ATIC: variants seen among roughly 807,000 people sequenced by gnomAD.
The protein encoded by ATIC is bifunctional purine biosynthesis protein ATIC.
In ATIC, 64 loss-of-function variants were observed where a neutral mutation model predicts 72.5. The observed-to-expected ratio is 0.88, with a 90% CI of 0.72 to 1.09. The LOEUF is 1.09. Among genes scored for constraint, ATIC ranks in the 50% least tolerant of loss-of-function variants. The pLI is 0.00. For synonymous variants in ATIC, 281 were observed against 267.1 expected, an observed-to-expected ratio of 1.05 and a Z score of -0.51; for missense variants, 787 against 732.4, an observed-to-expected ratio of 1.07 and a Z score of -0.86.
Position 215,318,221 on chromosome 2 carries a change from G to T in ATIC, c.211G>T (p.Ala71Ser). 1.2e-6 allele frequency: 2 copies of T among 1,613,750 alleles called. No individual in the cohort carries two copies. The highest frequency in any genetic ancestry group is 1.7e-6 in the Non-Finnish European group (2 of 1,179,658). ...LGGRVKTLHP[A>S]VHAGILARNI... ...GGGACGTGTGAAAACTTTGCATCCTGCAGTCCATGCTGGTAAGTGGTTGGT... is the reference window on the plus strand; with the variant it reads ...GGGACGTGTGAAAACTTTGCATCCTTCAGTCCATGCTGGTAAGTGGTTGGT... The change falls in exon 3 of 16, where the codon GCA becomes TCA. Residue 71 changes from alanine (A) to serine (S), a missense_variant. Transcript: ENST00000236959.
chr2:215,324,294 G>A (rs1201985317), intron 4 of ATIC, among the ~76,000 whole-genome samples: 1 of 152,196 alleles, frequency 6.6e-6, no homozygotes, highest in African/African-American at 2.4e-5. Flanking sequence ...GTCATGTTCA[G>A]TAAGTTCCCT....
At chr2:215,314,848 C>T (rs1026528761) in intron 2 of ATIC, among the ~76,000 whole-genome samples, 4 of 151,902 alleles carry the variant, frequency 2.6e-5, no homozygotes, top group Non-Finnish European at 4.4e-5. Context: ...GTAAACGTCA[C>T]GGCCAATATT....
chr2:215,313,567 A>T (rs997011717), intron 2 of ATIC, among the ~76,000 whole-genome samples: 1 of 152,166 alleles, frequency 6.6e-6, no homozygotes, highest in African/African-American at 2.4e-5. Context: ...GAACGAGATG[A>T]CCACCCCTGA....
chr2:215,357,788 T>C, the ATIC span, among the ~76,000 whole-genome samples: 1 of 152,176 alleles, frequency 6.6e-6, no homozygotes, highest in Non-Finnish European at 1.5e-5. Context: ...TTTCTTCTGC[T>C]TTATCAGCCT....
downstream of ATIC, among the ~76,000 whole-genome samples, chr2:215,351,977 A>C (rs145496607): frequency 3.3e-5 from 5 of 152,272 alleles, no homozygotes; most frequent in East Asian, 7.7e-4. Flanking sequence ...AAAACATCAG[A>C]TATAACCTAG....
chr2:215,353,295 C>T (rs2053144537), downstream of ATIC, among the ~76,000 whole-genome samples: 1 of 152,082 alleles, frequency 6.6e-6, no homozygotes, highest in African/African-American at 2.4e-5. Flanking sequence ...GTATTTCCCC[C>T]CTAATAAGCT....
intron 7 of ATIC, among the ~76,000 whole-genome samples, chr2:215,331,532 G>A (rs2052895042): frequency 6.6e-6 from 1 of 151,904 alleles, no homozygotes; most frequent in Non-Finnish European, 1.5e-5. Context: ...ACATGCGCCC[G>A]CCACCACACC....
chr2:215,340,444 G>A lies in ATIC; in HGVS notation c.1227+1537G>A, dbSNP rs16853826. On this transcript the variant is annotated intron_variant, in intron 12 of 15. Coordinates refer to ENST00000236959, the MANE Select transcript of ATIC (RefSeq NM_004044.7). ...TAAAGTAGGCTGTGCTTGTTGTTCA[G>A]TACTTTGCAGGAATCATTCCATTGC... Among the ~76,000 whole-genome samples, 23,587 of 152,126 alleles carry A rather than the reference G, an allele frequency of 0.16. 2,145 individuals carry two copies. Among genetic ancestry groups the A allele is most frequent in the East Asian group, 0.5 (2,564 of 5,154 alleles).
chr2:215,323,417 T>G (rs1168815569), intron 4 of ATIC, among the ~76,000 whole-genome samples: 1 of 152,240 alleles, frequency 6.6e-6, no homozygotes. Context: ...CCTAAGAATA[T>G]TAAATCTTCC....
intron 12 of ATIC, among the ~76,000 whole-genome samples, chr2:215,342,665 G>A (rs2053031862): frequency 6.6e-6 from 1 of 151,950 alleles, no homozygotes; most frequent in Non-Finnish European, 1.5e-5. Context: ...GTTTTTGTGT[G>A]TTTGTGTGAG....
Position 215,338,823 on chromosome 2 carries a change from C to A in ATIC, c.1143C>A (p.Leu381=). ...CAGATGAAAATGAAGTTCGAACTCT[C>A]TTTGGTCTTCATTTAAGCCAGAAGA... ...YKPDENEVRT[L]FGLHLSQKRN... is the part of the protein sequence containing the mutation. The change falls in exon 12 of 16, where the codon CTC becomes CTA. Residue 381 remains leucine, a synonymous_variant. Transcript: ENST00000236959. The A allele has an allele frequency of 1.2e-6, 2 of 1,613,852 alleles. No homozygotes were observed. Among genetic ancestry groups the A allele is most frequent in the Non-Finnish European group, 1.7e-6 (2 of 1,179,884 alleles).
At chr2:215,364,732 T>C in the ATIC span, 5 of 688,754 alleles carry the variant, frequency 7.3e-6, no homozygotes, top group East Asian at 1.3e-4. Context: ...TCTAGAGCTC[T>C]ATGTCAGCAG....
chr2:215,340,988 G>A (rs1377518671), intron 12 of ATIC, among the ~76,000 whole-genome samples: 1 of 152,142 alleles, frequency 6.6e-6, no homozygotes, highest in Non-Finnish European at 1.5e-5. Flanking sequence ...GGTCTCTTAA[G>A]CTATTTGCTG....
At chr2:215,319,035 C>T (rs2105995612) in intron 3 of ATIC, among the ~76,000 whole-genome samples, 2 of 152,010 alleles carry the variant, frequency 1.3e-5, no homozygotes, top group South Asian at 4.2e-4. Flanking sequence ...CATGTGCCAC[C>T]ACACCCAGCT....
intron 4 of ATIC, among the ~76,000 whole-genome samples, chr2:215,322,713 A>G (rs574749164): frequency 1.3e-5 from 2 of 152,234 alleles, no homozygotes; most frequent in East Asian, 3.9e-4. Flanking sequence ...ATTTTCATAT[A>G]CAGACATGAA....
intron 4 of ATIC, among the ~76,000 whole-genome samples, chr2:215,321,165 G>A (rs1479154129): frequency 6.6e-6 from 1 of 152,080 alleles, no homozygotes; most frequent in East Asian, 1.9e-4. Context: ...TCCAGCCTCG[G>A]CAACCACCAA....
chr2:215,353,286 T>C (rs2053144434), downstream of ATIC, among the ~76,000 whole-genome samples: 1 of 152,204 alleles, frequency 6.6e-6, no homozygotes, highest in Admixed American at 6.5e-5. Flanking sequence ...TGTACGGTTG[T>C]ATTTCCCCCC....
At chr2:215,329,972 G>C (rs1165687975) in intron 7 of ATIC, among the ~76,000 whole-genome samples, 1 of 152,152 alleles carries the variant, frequency 6.6e-6, no homozygotes, top group South Asian at 2.1e-4. Context: ...ATATTGGCCA[G>C]ACCAGTCTGA....
At position 215,312,072 on chromosome 2, in the gene ATIC, A is replaced by C; in HGVS notation, c.-71A>C. On this transcript the variant is annotated 5_prime_UTR_variant, in exon 1 of 16. Coordinates refer to ENST00000236959, the MANE Select transcript of ATIC (RefSeq NM_004044.7). ...GCTTCCTGAGCCGCCACATCCCGGC[A>C]GCCCTCCTACCTGCGCACGTGGTGC... 1 of 1,526,304 alleles carries C rather than the reference A, an allele frequency of 6.6e-7. No individual in the cohort carries two copies. Among genetic ancestry groups the C allele is most frequent in the Non-Finnish European group, 8.8e-7 (1 of 1,141,420 alleles). 94.5% of individuals were successfully genotyped at this position (1,526,304 alleles called of 1,614,324 possible).
Sources: allele counts gnomAD v4.1 joint callset (sites outside exome capture counted in the v4.1 genomes callset), GRCh38; gene constraint gnomAD v4.1.1; transcripts MANE v1.5; gene names NCBI Gene and HGNC (gene_info 2026-07-23, HGNC 2026-07-21).